RTN1: variants seen among roughly 807,000 people sequenced by gnomAD.
The protein encoded by RTN1 is reticulon-1.
In RTN1, 25 loss-of-function variants were observed where a neutral mutation model predicts 65.5. That is an observed-to-expected ratio of 0.38 (90% CI 0.28 to 0.53). The LOEUF (loss-of-function observed/expected upper bound fraction) is 0.53. Among genes scored for constraint, RTN1 ranks in the 20% least tolerant of loss-of-function variants. The pLI is 0.79. For synonymous variants in RTN1, 471 were observed against 447.6 expected (o/e 1.05, Z -0.66); for missense variants, 983 against 1,025.4 (o/e 0.96, Z 0.57).
At chr14:59,700,552 T>C (rs1566690046) in intron 3 of RTN1, among the ~76,000 whole-genome samples, 1 of 152,134 alleles carries the variant, frequency 6.6e-6, no homozygotes, top group Non-Finnish European at 1.5e-5. Flanking sequence ...AAATTAATTG[T>C]CTAGAAACAG....
At chr14:59,822,376 T>C (rs1399686119) in intron 1 of RTN1, among the ~76,000 whole-genome samples, 1 of 152,198 alleles carries the variant, frequency 6.6e-6, no homozygotes, top group Non-Finnish European at 1.5e-5. Context: ...TCATTTCTGA[T>C]ATGTTTATTT....
chr14:59,728,531 T>C (rs1884832274), intron 2 of RTN1, among the ~76,000 whole-genome samples: 1 of 152,068 alleles, frequency 6.6e-6, no homozygotes, highest in South Asian at 2.1e-4. Context: ...CTTGCTGAGC[T>C]TTCCCTCCCA....
rs1184869693 is a variant in RTN1, at chr14:59,803,936, A to G, written c.242-57455T>C. Among the ~76,000 whole-genome samples the G allele has an allele frequency of 6.6e-6, 1 of 152,176 alleles. No individual in the cohort carries two copies. Among genetic ancestry groups the G allele is most frequent in the African/African-American group, 2.4e-5 (1 of 41,430 alleles). ...GTTTGGTTTACATAAAAGTTGTGGA[A>G]ATTGTACAAAGCATTCCCACATGCT... On this transcript the variant is annotated intron_variant, in intron 1 of 8. Coordinates refer to ENST00000267484, the MANE Select transcript of RTN1 (RefSeq NM_021136.3). The surrounding 1 kb of genome is among the most constrained non-coding windows in gnomAD (Gnocchi z 5.6).
At chr14:59,649,046 G>A (rs1483374245) in intron 3 of RTN1, among the ~76,000 whole-genome samples, 1 of 152,108 alleles carries the variant, frequency 6.6e-6, no homozygotes, top group Non-Finnish European at 1.5e-5. Context: ...TATGGTACTG[G>A]TACCAAAACA....
At chr14:59,817,549 G>A (rs1886844620) in intron 1 of RTN1, among the ~76,000 whole-genome samples, 4 of 151,506 alleles carry the variant, frequency 2.6e-5, no homozygotes, top group Non-Finnish European at 5.9e-5. Flanking sequence ...AACATGCTTC[G>A]GTGTCCTCCA....
At position 59,836,184 on chromosome 14, in the gene RTN1, G is replaced by A. The variant is rs1165479494; in HGVS notation, c.241+34206C>T. Among the ~76,000 whole-genome samples, 1 of 152,214 alleles carries A rather than the reference G, an allele frequency of 6.6e-6. No homozygotes were observed. Among genetic ancestry groups the A allele is most frequent in the African/African-American group, 2.4e-5 (1 of 41,452 alleles). ...TCCTAAACTTAAGCACATCTTCAAAGTCCCTTTGCCAGATAAGGTAACATA... is the reference window on the plus strand; with the variant it reads ...TCCTAAACTTAAGCACATCTTCAAAATCCCTTTGCCAGATAAGGTAACATA... On this transcript the variant is annotated intron_variant, in intron 1 of 8. Coordinates refer to ENST00000267484, the MANE Select transcript of RTN1 (RefSeq NM_021136.3). This position sits in a 1 kb window ranked among gnomAD's most constrained non-coding sequence, Gnocchi z 4.9.
At chr14:59,837,899 G>C (rs1375245927) in intron 1 of RTN1, among the ~76,000 whole-genome samples, 1 of 151,932 alleles carries the variant, frequency 6.6e-6, no homozygotes, top group Non-Finnish European at 1.5e-5. Flanking sequence ...CTTTTTGCTG[G>C]TGGATGGTCT....
intron 3 of RTN1, among the ~76,000 whole-genome samples, chr14:59,661,400 A>G (rs1194025335): frequency 1.3e-5 from 2 of 152,222 alleles, no homozygotes; most frequent in East Asian, 3.9e-4. Context: ...AACTCATTTT[A>G]TGAGGCTAGC....
chr14:59,727,439 C>T lies in RTN1; in HGVS notation c.1245G>A (p.Leu415=), dbSNP rs1345675328. 4 of 1,555,286 alleles carry T rather than the reference C, an allele frequency of 2.6e-6. No homozygotes were observed. Among genetic ancestry groups the T allele is most frequent in the African/African-American group, 1.4e-5 (1 of 73,562 alleles). The change falls in exon 3 of 9, where the codon CTG becomes CTA. Residue 415 remains leucine (L), a synonymous_variant. Transcript: ENST00000267484. The surrounding 1 kb of genome is among the most constrained non-coding windows in gnomAD (Gnocchi z 4.2). ...SAESGDSEIE[L]VSEDPMAAED... is the part of the protein sequence containing the mutation. ...CCGCGGCCATGGGGTCCTCGGACAC[C>T]AGCTCGATCTCTGAGTCCCCCGACT...
intron 1 of RTN1, among the ~76,000 whole-genome samples, chr14:59,817,126 T>C (rs946207050): frequency 3.3e-5 from 5 of 152,174 alleles, no homozygotes; most frequent in African/African-American, 4.8e-5. Context: ...AGAGCCTATG[T>C]GTGACTGGCA....
In RTN1 at chr14:59,607,504, A is replaced by G; in HGVS notation, c.1766-12T>C. Reference sequence around the variant, plus strand: ...CAACAGGTCAATAGCTGCAGGAGACACCAAACACACCCAGCTGAGCTCCCG... The same window carrying G: ...CAACAGGTCAATAGCTGCAGGAGACGCCAAACACACCCAGCTGAGCTCCCG... On this transcript the variant is annotated splice_polypyrimidine_tract_variant and intron_variant, in intron 3 of 8. Transcript: ENST00000267484. 6.3e-7 allele frequency: 1 copy of G among 1,591,666 alleles called. No individual in the cohort carries two copies. Among genetic ancestry groups the G allele is most frequent in the Non-Finnish European group, 8.6e-7 (1 of 1,168,688 alleles).
intron 8 of RTN1, among the ~76,000 whole-genome samples, 169 bp from the exon 9 acceptor site, chr14:59,596,956 GA>G (rs1566654594): frequency 6.6e-6 from 1 of 152,150 alleles, no homozygotes; most frequent in African/African-American, 2.4e-5. Context: ...CAATAAGAAG[GA>G]AGTAAAAACT....
At chr14:59,753,042 A>C (rs899034090) in intron 1 of RTN1, among the ~76,000 whole-genome samples, 20 of 152,130 alleles carry the variant, frequency 1.3e-4, no homozygotes, top group African/African-American at 4.6e-4. Flanking sequence ...TTTTATACTA[A>C]TTGGCTACCA....
At chr14:59,629,790 C>T (rs906494089) in intron 3 of RTN1, among the ~76,000 whole-genome samples, 1 of 152,170 alleles carries the variant, frequency 6.6e-6, no homozygotes, top group Admixed American at 6.5e-5. Context: ...GGCACTGTTT[C>T]GTTCTTTCCC....
chr14:59,791,988 A>G (rs1886357169), intron 1 of RTN1, among the ~76,000 whole-genome samples: 1 of 151,858 alleles, frequency 6.6e-6, no homozygotes. Flanking sequence ...GATTTTGTCT[A>G]CTCACACTCT....
intron 2 of RTN1, among the ~76,000 whole-genome samples, chr14:59,733,589 G>A (rs778547204): frequency 8.5e-5 from 13 of 152,186 alleles, no homozygotes; most frequent in Non-Finnish European, 1.9e-4. Flanking sequence ...AGTCCAAGCT[G>A]ACAGGAGCAG....
At chr14:59,842,832 T>C (rs1353175900) in intron 1 of RTN1, among the ~76,000 whole-genome samples, 1 of 152,232 alleles carries the variant, frequency 6.6e-6, no homozygotes, top group Non-Finnish European at 1.5e-5. Flanking sequence ...AATTAGAGTC[T>C]GATCAGTTCT....
intron 1 of RTN1, among the ~76,000 whole-genome samples, chr14:59,763,175 A>C (rs1362376156): frequency 6.6e-6 from 1 of 152,218 alleles, no homozygotes; most frequent in Non-Finnish European, 1.5e-5. Context: ...ATAGAGTATA[A>C]AAGTTATTAT....
At chr14:59,742,703 T>C (rs1234048700) in intron 2 of RTN1, among the ~76,000 whole-genome samples, 1 of 152,216 alleles carries the variant, frequency 6.6e-6, no homozygotes, top group African/African-American at 2.4e-5. Flanking sequence ...CTTTTTTGCT[T>C]AACATGCTTT....
Sources: gnomAD v4.1 joint callset for allele counts (sites outside exome capture counted in the v4.1 genomes callset) on GRCh38, gnomAD v4.1.1 for gene constraint, Gnocchi (gnomAD v3.1) non-coding constraint, MANE v1.5 for transcripts, NCBI Gene and HGNC (gene_info 2026-07-23, HGNC 2026-07-21) for gene names.